SEPTIN2: variants seen among roughly 807,000 people sequenced by gnomAD.
The protein encoded by SEPTIN2 is septin 2, also known as septin-2.
In SEPTIN2, 34 loss-of-function variants were observed where a neutral mutation model predicts 46.5. That is an observed-to-expected ratio of 0.73 (90% CI 0.56 to 0.97). SEPTIN2 has a LOEUF of 0.97. Among genes scored for constraint, SEPTIN2 ranks in the 50% least tolerant of loss-of-function variants. SEPTIN2 has a pLI of 0.00. For missense variants in SEPTIN2, 347 were observed against 448.4 expected, an observed-to-expected ratio of 0.77 and a Z score of 2.04; for synonymous variants, 175 against 153.4, an observed-to-expected ratio of 1.14 and a Z score of -1.04.
chr2:241,326,957 C>T (rs1475551919), intron 3 of SEPTIN2, among the ~76,000 whole-genome samples: 1 of 148,586 alleles, frequency 6.7e-6, no homozygotes, highest in Non-Finnish European at 1.5e-5. Context: ...ACCTGTAGTT[C>T]CTCTCACCTG....
intron 4 of SEPTIN2, 43 bp from the exon 5 acceptor site, chr2:241,335,932 C>A: frequency 6.2e-7 from 1 of 1,613,850 alleles, no homozygotes; most frequent in Non-Finnish European, 8.5e-7. Context: ...CTTTCCTCTT[C>A]ACATGCTGCT....
chr2:241,337,732 C>T lies in SEPTIN2; in HGVS notation c.536C>T (p.Pro179Leu), dbSNP rs2150067100. The change falls in exon 7 of 13, where the codon CCT becomes CTT. Residue 179 changes from proline (P) to leucine (L), a missense_variant. Pro to Leu is a moderately conservative substitution (Grantham distance 98). Transcript: ENST00000391971. Reference protein sequence around the residue: ...KAIHNKVNIVPVIAKADTLTL... With the variant: ...KAIHNKVNIVLVIAKADTLTL... The stretch of plus-strand genomic sequence containing the variant: ...ATACACAACAAGGTGAATATTGTGC[C>T]TGTCATTGCAAAAGCTGACACTCTC... 1.2e-6 allele frequency: 2 copies of T among 1,613,984 alleles called. No homozygotes were observed. The highest frequency in any genetic ancestry group is 1.7e-6 in the Non-Finnish European group (2 of 1,179,990).
At chr2:241,330,163 TAAAA>T (rs957003749) in intron 3 of SEPTIN2, among the ~76,000 whole-genome samples, 26 of 152,058 alleles carry the variant, frequency 1.7e-4, no homozygotes, top group African/African-American at 5.1e-4. Flanking sequence ...TATATCTAAA[TAAAA>T]AGTCAATGCA....
intron 7 of SEPTIN2, among the ~76,000 whole-genome samples, chr2:241,339,538 C>CAT (rs1253408658): frequency 2.6e-5 from 4 of 152,122 alleles, no homozygotes; most frequent in African/African-American, 7.2e-5. Context: ...GAAGCATCCT[C>CAT]ATATATATAC....
At chr2:241,328,782 G>A (rs2078447929) in intron 3 of SEPTIN2, among the ~76,000 whole-genome samples, 1 of 150,838 alleles carries the variant, frequency 6.6e-6, no homozygotes. Context: ...AGCACTTGAG[G>A]AGGCTAGGCG....
intron 11 of SEPTIN2, 26 bp downstream of exon 11, chr2:241,348,217 G>A (rs763314473): frequency 6.3e-7 from 1 of 1,592,762 alleles, no homozygotes; most frequent in Non-Finnish European, 8.6e-7. Flanking sequence ...CTATTGGTTG[G>A]TTGGTTGGTT....
At chr2:241,331,513 C>A (rs2079004818) in intron 3 of SEPTIN2, among the ~76,000 whole-genome samples, 2 of 152,144 alleles carry the variant, frequency 1.3e-5, no homozygotes, top group Admixed American at 6.5e-5. Flanking sequence ...TCTCAGCCTC[C>A]CCAAGTAGCT....
At chr2:241,335,403 C>A (rs2079783019) in intron 4 of SEPTIN2, 191 bp downstream of exon 4, 5 of 1,491,082 alleles carry the variant, frequency 3.4e-6, no homozygotes, top group Non-Finnish European at 4.6e-6. Context: ...CTTTCTTTGA[C>A]ACGTATCCAT....
At chr2:241,338,272 C>T (rs1332222135) in intron 7 of SEPTIN2, among the ~76,000 whole-genome samples, 1 of 152,106 alleles carries the variant, frequency 6.6e-6, no homozygotes, top group Non-Finnish European at 1.5e-5. Flanking sequence ...AGTGCCTCTT[C>T]CGTGTATGTC....
intron 1 of SEPTIN2, chr2:241,320,249 G>T (rs56815474): frequency 5.1e-4 from 238 of 471,182 alleles, no homozygotes; most frequent in African/African-American, 4.6e-3. Context: ...AGGTTAGATG[G>T]AGTTCAACTC....
At chr2:241,332,073 ATAG>A (rs1424872630) in intron 3 of SEPTIN2, among the ~76,000 whole-genome samples, 2 of 152,274 alleles carry the variant, frequency 1.3e-5, no homozygotes, top group Non-Finnish European at 2.9e-5. Flanking sequence ...ACCTGAAATT[ATAG>A]TAGATTTAAA....
rs1207304376 is a variant in SEPTIN2 at position 241,338,936 on chromosome 2, TTA to T, written c.594+1154_594+1155del. 8.3e-5 allele frequency among the ~76,000 whole-genome samples: 8 copies of T among 96,416 alleles called. 1 individual carries two copies. Among genetic ancestry groups the T allele is most frequent in the African/African-American group, 2.1e-4 (5 of 24,010 alleles). 63.3% of individuals were successfully genotyped at this position (96,416 alleles called of 152,430 possible). On this transcript the variant is annotated intron_variant, in intron 7 of 12. Transcript: ENST00000391971. Reference sequence around the variant, plus strand: ...ATATATATAATTGTACATATATTTATTATATATATTATATATATAATATATAT... The same window carrying T: ...ATATATATAATTGTACATATATTTATTATATATTATATATATAATATATAT...
In SEPTIN2 at chr2:241,343,801, A is replaced by C. The variant is rs746831281; in HGVS notation, c.746A>C (p.Lys249Thr). Reference sequence around the variant, plus strand: ...GGATCCAATCAGTTGATTGAAGCCAAAGGAAAGAAGGTCAGAGGCCGCCTC... The same window carrying C: ...GGATCCAATCAGTTGATTGAAGCCACAGGAAAGAAGGTCAGAGGCCGCCTC... ...VVGSNQLIEA[K>T]GKKVRGRLYP... Residue 249 changes from lysine to threonine, a missense_variant, in exon 9 of 13, where the codon AAA becomes ACA. Transcript: ENST00000391971. 3.7e-6 allele frequency: 6 copies of C among 1,614,184 alleles called. No individual in the cohort carries two copies. In the East Asian group the frequency reaches 1.3e-4, roughly 36 times the overall value.
intron 3 of SEPTIN2, among the ~76,000 whole-genome samples, chr2:241,330,700 G>A (rs952748858): frequency 6.6e-6 from 1 of 152,202 alleles, no homozygotes; most frequent in Non-Finnish European, 1.5e-5. Context: ...GTTCCGTAAT[G>A]TATCAATCCC....
chr2:241,351,342 CG>C (rs2150239004), intron 12 of SEPTIN2: 1 of 152,238 alleles, frequency 6.6e-6, no homozygotes, highest in African/African-American at 2.4e-5. Context: ...CACAAAAATA[CG>C]TATGTACAGT....
At chr2:241,334,262 C>G (rs775700589) in intron 3 of SEPTIN2, among the ~76,000 whole-genome samples, 8 of 152,110 alleles carry the variant, frequency 5.3e-5, no homozygotes, top group Non-Finnish European at 1.2e-4. Context: ...AGAGGACAGT[C>G]CAGCACCAGT....
chr2:241,337,480 A>T lies in SEPTIN2; in HGVS notation c.440A>T (p.His147Leu). 6.2e-7 allele frequency: 1 copy of T among 1,614,016 alleles called. No individual in the cohort carries two copies. The highest frequency in any genetic ancestry group is 1.1e-5 in the South Asian group (1 of 91,028). The change falls in exon 6 of 13, where the codon CAT becomes CTT. Residue 147 changes from histidine to leucine, a missense_variant. Transcript: ENST00000391971. ...CGGCACATCATTGATAATAGGGTGC[A>T]TTGTTGCTTTTACTTTATTTCACCT... ...NRRHIIDNRV[H>L]CCFYFISPFG...
At chr2:241,348,376 C>T (rs62193176) in intron 11 of SEPTIN2, among the ~76,000 whole-genome samples, 185 bp downstream of exon 11, 10 of 152,114 alleles carry the variant, frequency 6.6e-5, no homozygotes, top group African/African-American at 2.2e-4. Context: ...TACAGGTGCC[C>T]GCCACCATGC....
At chr2:241,317,948 A>T (rs191983548) in intron 1 of SEPTIN2, among the ~76,000 whole-genome samples, 4 of 152,136 alleles carry the variant, frequency 2.6e-5, no homozygotes, top group African/African-American at 9.7e-5. Flanking sequence ...TTTTGGTCCA[A>T]TTTGCACCCA....
Sources: allele counts gnomAD v4.1 joint callset (sites outside exome capture counted in the v4.1 genomes callset), GRCh38; gene constraint gnomAD v4.1.1; transcripts MANE v1.5; gene names NCBI Gene and HGNC (gene_info 2026-07-23, HGNC 2026-07-21).